The following PDZD2 variants were observed in gnomAD, a reference collection of about 807,000 sequenced individuals.
PDZD2 encodes the protein PDZ domain-containing protein 2.
A neutral mutation model predicts 220.7 loss-of-function variants in PDZD2; 90 were observed. The ratio of observed to expected loss-of-function variants is 0.41; its 90% CI spans 0.34 to 0.49. The LOEUF (loss-of-function observed/expected upper bound fraction) is 0.49. PDZD2 is among the 20% of genes least tolerant of loss of function. PDZD2 has a pLI of 0.28. For synonymous variants in PDZD2, 1,375 were observed against 1,450.5 expected, an observed-to-expected ratio of 0.95 and a Z score of 1.18; for missense variants, 3,174 against 3,608.5, an observed-to-expected ratio of 0.88 and a Z score of 3.08.
intron 2 of PDZD2, among the ~76,000 whole-genome samples, chr5:31,803,121 G>A (rs1754501050): frequency 6.7e-6 from 1 of 150,364 alleles, no homozygotes; most frequent in Non-Finnish European, 1.5e-5. Flanking sequence ...TTTGCAGACA[G>A]CGTCTTACTC....
chr5:32,024,703 A>AAAG (rs1561378486), intron 6 of PDZD2, among the ~76,000 whole-genome samples: 3 of 140,236 alleles, frequency 2.1e-5, no homozygotes, highest in South Asian at 2.2e-4. Flanking sequence ...AGAAAGAAAA[A>AAAG]AAAGAAAAGG....
chr5:31,785,360 T>G (rs1448365582), intron 1 of PDZD2, among the ~76,000 whole-genome samples: 1 of 148,328 alleles, frequency 6.7e-6, no homozygotes, highest in Non-Finnish European at 1.5e-5. Flanking sequence ...CCCATATATA[T>G]ATGTCATATA....
chr5:31,809,225 G>T (rs1256348910), intron 2 of PDZD2, among the ~76,000 whole-genome samples: 1 of 152,176 alleles, frequency 6.6e-6, no homozygotes, highest in African/African-American at 2.4e-5. Context: ...GACAAGCTGT[G>T]AGGATCTGAG....
chr5:31,766,163 G>C (rs909681130), intron 1 of PDZD2, among the ~76,000 whole-genome samples: 1 of 152,164 alleles, frequency 6.6e-6, no homozygotes, highest in Admixed American at 6.6e-5. Context: ...CTAGGCAACA[G>C]AGTGAGACCC....
chr5:32,087,655 A>G lies in PDZD2; in HGVS notation c.4207A>G (p.Thr1403Ala). The G allele has an allele frequency of 6.2e-7, 1 of 1,613,984 alleles. No individual in the cohort carries two copies. The highest frequency in any genetic ancestry group is 1.3e-5 in the African/African-American group (1 of 74,996). ...CTCCATGCTGCCATCCACTGACAAC[A>G]CCAAAGAAGCATGTGGCCATGTCTC... ...SLSMLPSTDN[T>A]KEACGHVSGH... Residue 1403 changes from threonine to alanine, a missense_variant, in exon 20 of 25, where the codon ACC (threonine) becomes GCC (alanine). By Grantham distance (58) the Thr-to-Ala change is moderately conservative. Transcript: ENST00000438447. The surrounding 1 kb of genome is among the most constrained non-coding windows in gnomAD (Gnocchi z 4.0).
chr5:31,793,576 G>A (rs568789166), intron 1 of PDZD2, among the ~76,000 whole-genome samples: 27 of 152,312 alleles, frequency 1.8e-4, no homozygotes, highest in African/African-American at 6.5e-4. Flanking sequence ...GGAGGCTGAG[G>A]CGGGCGAATC....
intron 2 of PDZD2, among the ~76,000 whole-genome samples, chr5:31,808,625 G>A (rs1333003660): frequency 3.9e-5 from 6 of 152,142 alleles, no homozygotes; most frequent in African/African-American, 1.4e-4. Context: ...GAAGAGTGAC[G>A]CCTAGAATTC....
intron 3 of PDZD2, among the ~76,000 whole-genome samples, chr5:31,995,373 T>A (rs926395897): frequency 1.6e-4 from 25 of 152,188 alleles, no homozygotes; most frequent in Non-Finnish European, 7.3e-5. Flanking sequence ...ATAGAACATT[T>A]CCATGATCAC....
chr5:31,786,559 A>G (rs535265126), intron 1 of PDZD2, among the ~76,000 whole-genome samples: 1 of 152,282 alleles, frequency 6.6e-6, no homozygotes, highest in Admixed American at 6.5e-5. Flanking sequence ...AGTCTGATAA[A>G]GCAATTTAGC....
intron 7 of PDZD2, among the ~76,000 whole-genome samples, chr5:32,043,179 G>C (rs1238823652): frequency 6.6e-6 from 1 of 152,236 alleles, no homozygotes; most frequent in Admixed American, 6.5e-5. Context: ...CCAGATGTGT[G>C]ATACTCTGAC....
At position 32,090,031 on chromosome 5, in the gene PDZD2, C is replaced by T. The variant is rs570963452; in HGVS notation, c.6583C>T (p.Arg2195Ter). 2.5e-6 allele frequency: 4 copies of T among 1,610,978 alleles called. No homozygotes were observed. The highest frequency in any genetic ancestry group is 3.4e-6 in the Non-Finnish European group (4 of 1,178,668). ...AAAATCAAGCCTGATGTCAGACTCCCGAGGGGTGCCCAGAAACAGCATTCC... is the reference window on the plus strand; with the variant it reads ...AAAATCAAGCCTGATGTCAGACTCCTGAGGGGTGCCCAGAAACAGCATTCC... ...QGKSSLMSDS[R>*]GVPRNSIPGG... Residue 2195 changes from arginine (R) to a stop codon, truncating the protein, a stop_gained, in exon 20 of 25, where the codon CGA becomes TGA. Coordinates refer to ENST00000438447, the MANE Select transcript of PDZD2 (RefSeq NM_178140.4). LOFTEE classifies it high-confidence loss of function. This position sits in a 1 kb window ranked among gnomAD's most constrained non-coding sequence, Gnocchi z 4.3.
intron 6 of PDZD2, among the ~76,000 whole-genome samples, chr5:32,018,318 C>T (rs1347220934): frequency 6.6e-6 from 1 of 152,180 alleles, no homozygotes; most frequent in Non-Finnish European, 1.5e-5. Flanking sequence ...CTAAGAGTCT[C>T]CCAGCTAGGG....
At chr5:32,021,478 A>G (rs1159890308) in intron 6 of PDZD2, among the ~76,000 whole-genome samples, 3 of 151,782 alleles carry the variant, frequency 2.0e-5, no homozygotes, top group African/African-American at 4.8e-5. Flanking sequence ...TGTATTTTTT[A>G]GTAGAGATGG....
intron 1 of PDZD2, among the ~76,000 whole-genome samples, chr5:31,675,478 G>GATA (rs200257017): frequency 1.3e-5 from 2 of 152,010 alleles, no homozygotes; most frequent in Admixed American, 6.5e-5. Flanking sequence ...CTATCAAAGG[G>GATA]ATAATAATAA....
rs1265069393 is a variant in PDZD2, at chr5:32,094,740, G to A, written c.7845+1716G>A. 9.2e-5 allele frequency among the ~76,000 whole-genome samples: 14 copies of A among 151,878 alleles called. No individual in the cohort carries two copies. In the South Asian group the frequency reaches 2.3e-3, roughly 25 times the overall value. On this transcript the variant is annotated intron_variant, in intron 21 of 24. Transcript: ENST00000438447. ...ATTAAATTTAAAAAATTAGCCAGGCGTGGTGGTATATGCCTGTAGTCCTAC... is the reference window on the plus strand; with the variant it reads ...ATTAAATTTAAAAAATTAGCCAGGCATGGTGGTATATGCCTGTAGTCCTAC...
At chr5:31,821,025 A>G (rs1755806856) in intron 2 of PDZD2, among the ~76,000 whole-genome samples, 1 of 151,912 alleles carries the variant, frequency 6.6e-6, no homozygotes, top group Non-Finnish European at 1.5e-5. Flanking sequence ...GCATTTAAAT[A>G]TTATAGATCT....
At chr5:32,029,704 A>G (rs1298877886) in intron 6 of PDZD2, among the ~76,000 whole-genome samples, 1 of 152,202 alleles carries the variant, frequency 6.6e-6, no homozygotes, top group Non-Finnish European at 1.5e-5. Context: ...CTGAGACACT[A>G]TCTAACTTTC....
At chr5:32,022,244 C>T (rs1754274579) in intron 6 of PDZD2, among the ~76,000 whole-genome samples, 1 of 144,780 alleles carries the variant, frequency 6.9e-6, no homozygotes, top group Admixed American at 7.2e-5. Flanking sequence ...GTTGCCCAGG[C>T]TGGAGTGCAG....
intron 2 of PDZD2, among the ~76,000 whole-genome samples, chr5:31,929,639 C>T (rs1356458205): frequency 6.6e-6 from 1 of 152,068 alleles, no homozygotes; most frequent in African/African-American, 2.4e-5. Context: ...CACCTGAGGT[C>T]GGGAGTTTGA....
Sources: gnomAD v4.1 joint callset for allele counts (sites outside exome capture counted in the v4.1 genomes callset) on GRCh38, gnomAD v4.1.1 for gene constraint, Gnocchi (gnomAD v3.1) non-coding constraint, MANE v1.5 for transcripts, NCBI Gene and HGNC (gene_info 2026-07-23, HGNC 2026-07-21) for gene names.